Variants in PTPN9 observed in about 807,000 individuals in gnomAD.
PTPN9 encodes tyrosine-protein phosphatase non-receptor type 9.
Under a neutral mutation model 69.8 loss-of-function variants are expected in PTPN9, and 26 were observed. The observed-to-expected ratio is 0.37, with a 90% CI of 0.27 to 0.52. The LOEUF (loss-of-function observed/expected upper bound fraction) is 0.52. Among genes scored for constraint, PTPN9 ranks in the 20% least tolerant of loss-of-function variants. The pLI, the probability that PTPN9 is intolerant of heterozygous loss-of-function variation, is 0.91. For missense variants in PTPN9, 549 were observed against 740.3 expected (o/e 0.74, Z 3.00); for synonymous variants, 274 against 272.5 (o/e 1.01, Z -0.05).
chr15:75,517,420 G>C, intron 4 of PTPN9, 56 bp from the exon 5 acceptor site: 5 of 1,443,934 alleles, frequency 3.5e-6, no homozygotes, highest in Non-Finnish European at 3.9e-6. Context: ...GATGAGGCAG[G>C]TTGAAAGCCT....
chr15:75,497,879 T>C (rs1595952904), intron 7 of PTPN9, among the ~76,000 whole-genome samples: 1 of 149,742 alleles, frequency 6.7e-6, no homozygotes, highest in Non-Finnish European at 1.5e-5. Flanking sequence ...GGTAGGAACA[T>C]AGTTGTCTGT....
intron 1 of PTPN9, among the ~76,000 whole-genome samples, chr15:75,557,860 T>C (rs1194997976): frequency 6.6e-6 from 1 of 152,144 alleles, no homozygotes. Flanking sequence ...TCTTGAAAAA[T>C]CACCTCCAAG....
intron 6 of PTPN9, among the ~76,000 whole-genome samples, chr15:75,506,518 C>CT (rs35995519): frequency 9.9e-5 from 15 of 151,148 alleles, no homozygotes; most frequent in Non-Finnish European, 2.2e-4. Flanking sequence ...TGAGATAACA[C>CT]TTTTTTTTTG....
intron 8 of PTPN9, among the ~76,000 whole-genome samples, chr15:75,482,564 CAAAAAAAAAAAAAAAA>C (rs145653223): frequency 8.5e-5 from 3 of 35,388 alleles, no homozygotes; most frequent in South Asian, 1.7e-3. Flanking sequence ...GACTCCGTCT[CAAAAAAAAAAAAAAAA>C]AAAAAAAAAA....
At chr15:75,495,071 C>A (rs1226556694) in intron 7 of PTPN9, among the ~76,000 whole-genome samples, 1 of 152,050 alleles carries the variant, frequency 6.6e-6, no homozygotes, top group African/African-American at 2.4e-5. Context: ...TAAGATCAGA[C>A]AATTCACAGA....
chr15:75,533,800 C>T (rs1208594588), intron 1 of PTPN9, among the ~76,000 whole-genome samples: 3 of 152,138 alleles, frequency 2.0e-5, no homozygotes, highest in Non-Finnish European at 4.4e-5. Flanking sequence ...AACATAGCCT[C>T]CATGTTACAT....
chr15:75,484,589 G>A (rs1004447397), intron 8 of PTPN9, among the ~76,000 whole-genome samples: 5 of 152,042 alleles, frequency 3.3e-5, no homozygotes, highest in African/African-American at 1.2e-4. Context: ...CTTTGATCCA[G>A]GCTGATAAAA....
chr15:75,478,462 G>A (rs992317575), intron 9 of PTPN9, among the ~76,000 whole-genome samples: 2 of 152,122 alleles, frequency 1.3e-5, no homozygotes, highest in Admixed American at 6.6e-5. Flanking sequence ...CTGGAGTGCA[G>A]TGGCACGATC....
chr15:75,502,117 A>G (rs999940564), intron 7 of PTPN9, among the ~76,000 whole-genome samples: 2 of 152,100 alleles, frequency 1.3e-5, no homozygotes, highest in African/African-American at 4.8e-5. Context: ...AAAAGAAAAG[A>G]AAAGGAGAAG....
intron 7 of PTPN9, among the ~76,000 whole-genome samples, chr15:75,503,225 A>C (rs1350434488): frequency 6.7e-6 from 1 of 149,284 alleles, no homozygotes; most frequent in African/African-American, 2.5e-5. Context: ...CCATCTGGGA[A>C]GTGAGGAGCA....
chr15:75,513,775 C>A (rs1403134213), intron 5 of PTPN9, among the ~76,000 whole-genome samples: 1 of 150,922 alleles, frequency 6.6e-6, no homozygotes, highest in Non-Finnish European at 1.5e-5. Flanking sequence ...TCAAAACAAA[C>A]AAACAACAAA....
At chr15:75,531,855 G>A (rs1008121527) in intron 1 of PTPN9, among the ~76,000 whole-genome samples, 6 of 151,198 alleles carry the variant, frequency 4.0e-5, no homozygotes, top group Admixed American at 6.6e-5. Flanking sequence ...CACCACCCCC[G>A]GCCGAGACAT....
At chr15:75,482,921 C>CGATCTG (rs886646067) in intron 8 of PTPN9, among the ~76,000 whole-genome samples, 4 of 151,838 alleles carry the variant, frequency 2.6e-5, no homozygotes, top group Non-Finnish European at 5.9e-5. Context: ...TGCCACTGCA[C>CGATCTG]TCCAGCCTGA....
At position 75,527,761 on chromosome 15, in the gene PTPN9, TAGG is replaced by T. The variant is rs370710421; in HGVS notation, c.64-503_64-501del. ...ATGTCAGCTACTTGGGAGGCTGAGG[TAGG>T]AGAACTGCTTAAACCCAAGAGGCAG... On this transcript the variant is annotated intron_variant, in intron 1 of 12. Coordinates refer to ENST00000618819, the MANE Select transcript of PTPN9 (RefSeq NM_002833.4). 3.3e-4 allele frequency among the ~76,000 whole-genome samples: 50 copies of T among 150,568 alleles called. No homozygotes were observed. The East Asian group carries it at 7.1e-3, about 21-fold the overall frequency.
At chr15:75,573,695 G>A (rs2075159174) in intron 1 of PTPN9, among the ~76,000 whole-genome samples, 1 of 152,218 alleles carries the variant, frequency 6.6e-6, no homozygotes, top group Non-Finnish European at 1.5e-5. Context: ...TTCCGTAAGT[G>A]CCAGTCATTA....
intron 1 of PTPN9, among the ~76,000 whole-genome samples, chr15:75,576,589 C>A (rs1423389029): frequency 6.6e-6 from 1 of 151,286 alleles, no homozygotes; most frequent in East Asian, 1.9e-4. Flanking sequence ...GCGGGCAGAT[C>A]ATGAGGTCAG....
intron 1 of PTPN9, among the ~76,000 whole-genome samples, chr15:75,540,737 C>T (rs2075004959): frequency 1.3e-5 from 2 of 151,658 alleles, no homozygotes; most frequent in Non-Finnish European, 2.9e-5. Flanking sequence ...TTCCTTGAGA[C>T]CAGCATGGAT....
chr15:75,556,287 C>A lies in PTPN9; in HGVS notation c.63+22427G>T, dbSNP rs1428791466. On this transcript the variant is annotated intron_variant, in intron 1 of 12. Coordinates refer to ENST00000618819, the MANE Select transcript of PTPN9 (RefSeq NM_002833.4). Reference sequence around the variant, plus strand: ...CCATGTTGGCCAGGCTGGTCTCGAACTCCTGACCTCGTGATCCCCCCTGCC... The same window carrying A: ...CCATGTTGGCCAGGCTGGTCTCGAAATCCTGACCTCGTGATCCCCCCTGCC... 2.0e-5 allele frequency among the ~76,000 whole-genome samples: 3 copies of A among 151,830 alleles called. No homozygotes were observed. In the East Asian group the frequency reaches 5.8e-4, roughly 29 times the overall value.
intron 1 of PTPN9, among the ~76,000 whole-genome samples, chr15:75,554,404 G>A (rs2075068383): frequency 6.6e-6 from 1 of 151,946 alleles, no homozygotes; most frequent in South Asian, 2.1e-4. Flanking sequence ...ATGTTGGTCA[G>A]GCTGGTCTCA....
Sources: gnomAD v4.1 joint callset for allele counts (sites outside exome capture counted in the v4.1 genomes callset) on GRCh38, gnomAD v4.1.1 for gene constraint, MANE v1.5 for transcripts, NCBI Gene and HGNC (gene_info 2026-07-23, HGNC 2026-07-21) for gene names.